The following ALPK2 variants were observed in gnomAD, a reference collection of about 807,000 sequenced individuals.
ALPK2 encodes the protein alpha-protein kinase 2.
In ALPK2, 127 loss-of-function variants were observed where a neutral mutation model predicts 163.1. That is an observed-to-expected ratio of 0.78 (90% confidence interval 0.67 to 0.90). ALPK2 has a LOEUF of 0.90. ALPK2 is among the 40% of genes least tolerant of loss of function. ALPK2 has a pLI of 0.00. For missense variants in ALPK2, 2,360 were observed against 2,589.6 expected (o/e 0.91, Z 1.92); for synonymous variants, 953 against 959.1 (o/e 0.99, Z 0.12).
At position 58,503,937 on chromosome 18, in the gene ALPK2, T is replaced by A. The variant is rs746401407; in HGVS notation, c.6241A>T (p.Met2081Leu). The A allele has an allele frequency of 1.2e-6, 2 of 1,612,844 alleles. No homozygotes were observed. Among genetic ancestry groups the A allele is most frequent in the Non-Finnish European group, 1.7e-6 (2 of 1,179,348 alleles). The change falls in exon 11 of 13, where the codon ATG becomes TTG. Residue 2081 changes from methionine to leucine, a missense_variant. By Grantham distance (15) the Met-to-Leu change is conservative. Coordinates refer to ENST00000361673, the MANE Select transcript of ALPK2 (RefSeq NM_052947.4). ...KTSGCLLVTD[M>L]QGVGMKLTDV... ...GCTAAGCTGCTTTCCTCACCTTGCA[T>A]GTCCGTCACCAGGAGGCAGCCACTT...
rs183371506 is a variant in ALPK2, at chr18:58,612,844, G to A, written c.-20-1027C>T. ...CATTTAGTTCTGTCTACACAGTAGCGTCCACTTCTTCACAATGGCAGGCGG... is the reference window on the plus strand; with the variant it reads ...CATTTAGTTCTGTCTACACAGTAGCATCCACTTCTTCACAATGGCAGGCGG... On this transcript the variant is annotated intron_variant, in intron 1 of 12. Coordinates refer to ENST00000361673, the MANE Select transcript of ALPK2 (RefSeq NM_052947.4). Among the ~76,000 whole-genome samples the A allele has an allele frequency of 3.3e-4, 51 of 152,292 alleles. 1 individual carries two copies. In the East Asian group the frequency reaches 6.6e-3, roughly 20 times the overall value.
intron 3 of ALPK2, among the ~76,000 whole-genome samples, chr18:58,599,075 T>G (rs1370589124): frequency 6.6e-6 from 1 of 152,146 alleles, no homozygotes; most frequent in African/African-American, 2.4e-5. Context: ...TGATTTGCCC[T>G]GAGGAGTCTG....
At chr18:58,523,563 C>T (rs2051567040) in intron 8 of ALPK2, among the ~76,000 whole-genome samples, 1 of 152,352 alleles carries the variant, frequency 6.6e-6, no homozygotes, top group African/African-American at 2.4e-5. Flanking sequence ...TCTCCACATC[C>T]TCTCCAGCAC....
chr18:58,609,971 A>G (rs973733508), intron 2 of ALPK2, among the ~76,000 whole-genome samples: 1 of 151,978 alleles, frequency 6.6e-6, no homozygotes, highest in African/African-American at 2.4e-5. Context: ...CTACACTGCA[A>G]CTCCAGGCTG....
intron 3 of ALPK2, among the ~76,000 whole-genome samples, chr18:58,605,020 C>T (rs2052090680): frequency 2.0e-5 from 3 of 152,166 alleles, no homozygotes; most frequent in African/African-American, 7.2e-5. Flanking sequence ...TCTCTTCTGG[C>T]TAAAATGTGG....
chr18:58,609,315 A>G (rs539406516), intron 2 of ALPK2, among the ~76,000 whole-genome samples: 26 of 152,336 alleles, frequency 1.7e-4, no homozygotes, highest in African/African-American at 5.5e-4. Context: ...GCCTATAAAA[A>G]GACACCAAAA....
At chr18:58,591,786 T>C (rs2052016136) in intron 3 of ALPK2, among the ~76,000 whole-genome samples, 1 of 152,212 alleles carries the variant, frequency 6.6e-6, no homozygotes, top group Non-Finnish European at 1.5e-5. Context: ...AGTAACTGCG[T>C]TGTTCACTGT....
chr18:58,572,269 C>T (rs1438125464), intron 4 of ALPK2, among the ~76,000 whole-genome samples: 3 of 152,102 alleles, frequency 2.0e-5, no homozygotes, highest in East Asian at 3.9e-4. Context: ...GCAGATGTGG[C>T]GTAACTGGGC....
At position 58,523,790 on chromosome 18, in the gene ALPK2, A is replaced by G; in HGVS notation, c.5665+16T>C. The G allele has an allele frequency of 6.2e-7, 1 of 1,613,994 alleles. No individual in the cohort carries two copies. The highest frequency in any genetic ancestry group is 8.5e-7 in the Non-Finnish European group (1 of 1,179,952). On this transcript the variant is annotated intron_variant, in intron 8 of 12. Coordinates refer to ENST00000361673, the MANE Select transcript of ALPK2 (RefSeq NM_052947.4). The stretch of plus-strand genomic sequence containing the variant: ...TAAGCCCATTTCCTCTGGCAGGTCA[A>G]CCCTAACTGACTTACCTTTAGTATC...
chr18:58,563,028 C>A (rs1236932041), intron 4 of ALPK2, among the ~76,000 whole-genome samples: 2 of 152,198 alleles, frequency 1.3e-5, no homozygotes, highest in Non-Finnish European at 2.9e-5. Context: ...AAACATTAGC[C>A]CATAGCACCT....
intron 4 of ALPK2, among the ~76,000 whole-genome samples, chr18:58,546,994 A>G (rs2051720774): frequency 7.3e-6 from 1 of 137,420 alleles, no homozygotes; most frequent in Non-Finnish European, 1.6e-5. Context: ...GATGAGAGAA[A>G]AATGGAGTAG....
chr18:58,582,777 A>G (rs1211019991), intron 3 of ALPK2, among the ~76,000 whole-genome samples: 1 of 151,892 alleles, frequency 6.6e-6, no homozygotes, highest in Non-Finnish European at 1.5e-5. Context: ...GCCCAGAAAG[A>G]TGGGACATTT....
At chr18:58,528,001 C>G (rs1602202057) in intron 6 of ALPK2, among the ~76,000 whole-genome samples, 2 of 152,176 alleles carry the variant, frequency 1.3e-5, no homozygotes, top group Admixed American at 1.3e-4. Flanking sequence ...GGAACCCCTC[C>G]CATTTCTTAG....
chr18:58,550,767 T>C (rs1333580747), intron 4 of ALPK2, among the ~76,000 whole-genome samples: 1 of 120,284 alleles, frequency 8.3e-6, no homozygotes. Context: ...TCCCTATCTC[T>C]ATCATGTACA....
chr18:58,533,606 CACCAT>C (rs1449616347), intron 5 of ALPK2, among the ~76,000 whole-genome samples: 1 of 151,916 alleles, frequency 6.6e-6, no homozygotes, highest in Non-Finnish European at 1.5e-5. Flanking sequence ...AGACGTGCGC[CACCAT>C]ACCCAGCTAA....
intron 4 of ALPK2, among the ~76,000 whole-genome samples, chr18:58,569,856 C>A (rs1303529181): frequency 6.6e-6 from 1 of 150,518 alleles, no homozygotes; most frequent in Non-Finnish European, 1.5e-5. Context: ...TCTGGCTGGG[C>A]GCGGTGGCTC....
intron 4 of ALPK2, chr18:58,578,571 G>A (rs1329733734): frequency 5.2e-6 from 2 of 384,360 alleles, no homozygotes; most frequent in African/African-American, 4.2e-5. Context: ...TCAGTCTTTT[G>A]CTATAATTAG....
chr18:58,538,607 A>G, intron 4 of ALPK2: 1 of 186,192 alleles, frequency 5.4e-6, no homozygotes, highest in Non-Finnish European at 1.1e-5. Flanking sequence ...TCACATGATC[A>G]TAATAAATGA....
intron 4 of ALPK2, among the ~76,000 whole-genome samples, chr18:58,564,935 C>T (rs938418584): frequency 1.8e-4 from 27 of 152,182 alleles, no homozygotes; most frequent in African/African-American, 6.3e-4. Flanking sequence ...AGGTTCCTTG[C>T]TTCCCTCTCC....
Sources: allele counts gnomAD v4.1 joint callset (sites outside exome capture counted in the v4.1 genomes callset), GRCh38; gene constraint gnomAD v4.1.1; transcripts MANE v1.5; gene names NCBI Gene and HGNC (gene_info 2026-07-23, HGNC 2026-07-21).